YEATS2: variants seen among roughly 807,000 people sequenced by gnomAD.
YEATS2 encodes the protein YEATS domain containing 2.
YEATS2 carries 77 observed loss-of-function variants against 163.2 expected under a neutral mutation model. The ratio of observed to expected loss-of-function variants is 0.47; its 90% CI spans 0.39 to 0.57. YEATS2 has a LOEUF of 0.57. Ranked by LOEUF, YEATS2 falls within the 20% of genes least tolerant of loss-of-function variation. The pLI, the probability that YEATS2 is intolerant of heterozygous loss-of-function variation, is 0.00. For synonymous variants in YEATS2, 631 were observed against 645.1 expected (o/e 0.98, Z 0.33); for missense variants, 1,549 against 1,729.8 (o/e 0.90, Z 1.85).
intron 9 of YEATS2, among the ~76,000 whole-genome samples, chr3:183,748,651 G>A (rs1267156618): frequency 6.6e-6 from 1 of 151,846 alleles, no homozygotes; most frequent in Admixed American, 6.6e-5. Context: ...CAGCCAGGCT[G>A]GAGTACAGTA....
chr3:183,789,502 A>G (rs1724380199), intron 20 of YEATS2, among the ~76,000 whole-genome samples: 1 of 127,508 alleles, frequency 7.8e-6, no homozygotes, highest in African/African-American at 2.9e-5. Context: ...TCTTATATTT[A>G]GGTTTCAGAT....
chr3:183,799,047 T>C, intron 23 of YEATS2, 58 bp downstream of exon 23: 1 of 1,282,642 alleles, frequency 7.8e-7, no homozygotes, highest in Non-Finnish European at 1.1e-6. Context: ...TTATTGTCGT[T>C]CACGTTCTCT....
At chr3:183,780,734 C>T (rs986609702) in intron 19 of YEATS2, among the ~76,000 whole-genome samples, 3 of 152,122 alleles carry the variant, frequency 2.0e-5, no homozygotes, top group Admixed American at 2.0e-4. Context: ...TAACATGTCT[C>T]TCAGCATTTA....
At chr3:183,751,734 C>T (rs1720186120) in intron 9 of YEATS2, among the ~76,000 whole-genome samples, 1 of 152,198 alleles carries the variant, frequency 6.6e-6, no homozygotes, top group Admixed American at 6.5e-5. Flanking sequence ...GGTGCTACTT[C>T]ATTGAGACCT....
intron 12 of YEATS2, 62 bp downstream of exon 12, chr3:183,756,751 C>G: frequency 7.8e-7 from 1 of 1,289,840 alleles, no homozygotes; most frequent in Non-Finnish European, 1.0e-6. Flanking sequence ...AAATGTAATC[C>G]TGCCATGACT....
At chr3:183,725,344 T>A (rs904986833) in intron 6 of YEATS2, among the ~76,000 whole-genome samples, 1 of 152,216 alleles carries the variant, frequency 6.6e-6, no homozygotes, top group Non-Finnish European at 1.5e-5. Flanking sequence ...GATACTGCCC[T>A]CAGCTCGAAT....
chr3:183,795,486 A>G lies in YEATS2; in HGVS notation c.3098-2437A>G, dbSNP rs1315214918. On this transcript the variant is annotated intron_variant, in intron 21 of 30. Coordinates refer to ENST00000305135, the MANE Select transcript of YEATS2 (RefSeq NM_018023.5). ...TTTTTTTTTTTTTTTTTTTTTTTAG[A>G]GACGGGGTCTTGCTTTGTTGCCGAG... 8.0e-5 allele frequency among the ~76,000 whole-genome samples: 8 copies of G among 99,844 alleles called. 1 individual carries two copies. The highest frequency in any genetic ancestry group is 1.7e-4 in the Non-Finnish European group (8 of 46,464). 65.5% of individuals were successfully genotyped at this position (99,844 alleles called of 152,430 possible).
intron 21 of YEATS2, among the ~76,000 whole-genome samples, chr3:183,795,470 T>TTA (rs1725055887): frequency 8.3e-6 from 1 of 120,220 alleles, no homozygotes; most frequent in African/African-American, 2.9e-5. Flanking sequence ...TTTTTTTTTT[T>TTA]TTTTTTTTTT....
chr3:183,739,460 T>G (rs1200551680), intron 8 of YEATS2, among the ~76,000 whole-genome samples: 1 of 74,982 alleles, frequency 1.3e-5, no homozygotes, highest in Non-Finnish European at 2.7e-5. Flanking sequence ...TAAAAGAGGA[T>G]ACAAACAAAT....
In YEATS2 at chr3:183,771,051, T is replaced by C. The variant is rs116881448; in HGVS notation, c.1948-1254T>C. ...CTCTAGGATATATTCCTAAAAACAATTCCTACTATACGGGGGTATGTGAAT... is the reference window on the plus strand; with the variant it reads ...CTCTAGGATATATTCCTAAAAACAACTCCTACTATACGGGGGTATGTGAAT... On this transcript the variant is annotated intron_variant, in intron 15 of 30. Transcript: ENST00000305135. 5.7e-4 allele frequency among the ~76,000 whole-genome samples: 87 copies of C among 152,338 alleles called. No homozygotes were observed. In the East Asian group the frequency reaches 0.016, roughly 28 times the overall value.
intron 11 of YEATS2, 100 bp from the exon 12 acceptor site, chr3:183,756,428 T>C: frequency 1.7e-6 from 2 of 1,179,100 alleles, no homozygotes; most frequent in East Asian, 5.4e-5. Context: ...ATTTGTTACC[T>C]TTGTCCTGGT....
intron 1 of YEATS2, among the ~76,000 whole-genome samples, chr3:183,701,950 C>T (rs988594107): frequency 2.0e-5 from 3 of 152,188 alleles, no homozygotes; most frequent in African/African-American, 7.2e-5. Context: ...TCTACTTCTC[C>T]ATGTCTGCAG....
intron 19 of YEATS2, among the ~76,000 whole-genome samples, chr3:183,783,576 A>T (rs1300434571): frequency 1.3e-5 from 2 of 152,150 alleles, no homozygotes; most frequent in Non-Finnish European, 2.9e-5. Context: ...CATAGTCCTC[A>T]GTGTCTATTG....
At position 183,803,554 on chromosome 3, in the gene YEATS2, T is replaced by C. The variant is rs1725894091; in HGVS notation, c.3582+219T>C. On this transcript the variant is annotated intron_variant, in intron 26 of 30. Coordinates refer to ENST00000305135, the MANE Select transcript of YEATS2 (RefSeq NM_018023.5). ...CATCCCTCACAGTTTCTAAATTTTT[T>C]TCTGAGTTTCAGAGTTTTAAATGAA... 8.5e-6 allele frequency: 5 copies of C among 588,474 alleles called. No individual in the cohort carries two copies. In the South Asian group the frequency reaches 1.0e-4, roughly 12 times the overall value. The allele number at this position is 588,474 out of a possible 1,614,324, so 36.5% of individuals were successfully genotyped here.
chr3:183,705,922 C>T (rs1714571348), intron 1 of YEATS2, among the ~76,000 whole-genome samples: 1 of 151,952 alleles, frequency 6.6e-6, no homozygotes, highest in African/African-American at 2.4e-5. Context: ...CGCCTGTAGT[C>T]CCAGCTACTC....
intron 10 of YEATS2, among the ~76,000 whole-genome samples, chr3:183,752,502 G>GATT (rs1437447706): frequency 6.6e-6 from 1 of 152,024 alleles, no homozygotes; most frequent in Admixed American, 6.5e-5. Context: ...GAGGTCAGGA[G>GATT]ATTAAGACCA....
At chr3:183,704,955 A>G (rs1202550346) in intron 1 of YEATS2, among the ~76,000 whole-genome samples, 1 of 152,066 alleles carries the variant, frequency 6.6e-6, no homozygotes, top group African/African-American at 2.4e-5. Context: ...GATATTTTTA[A>G]AAGATTTTTT....
chr3:183,794,709 A>T (rs1427038261), intron 21 of YEATS2, among the ~76,000 whole-genome samples: 1 of 152,236 alleles, frequency 6.6e-6, no homozygotes, highest in Non-Finnish European at 1.5e-5. Context: ...CTTTCATACC[A>T]TGCCAAAGTC....
chr3:183,802,724 CT>C (rs1408454046), intron 25 of YEATS2: 2 of 152,218 alleles, frequency 1.3e-5, no homozygotes, highest in Non-Finnish European at 1.5e-5. Flanking sequence ...GAGGTCAGGA[CT>C]TTGAGACCTG....
Sources: allele counts gnomAD v4.1 joint callset (sites outside exome capture counted in the v4.1 genomes callset), GRCh38; gene constraint gnomAD v4.1.1; transcripts MANE v1.5; gene names NCBI Gene and HGNC (gene_info 2026-07-23, HGNC 2026-07-21).